Variants in EML6 observed in about 807,000 individuals in gnomAD.
EML6 encodes the protein EMAP like 6.
A neutral mutation model predicts 240.1 loss-of-function variants in EML6; 154 were observed. The observed-to-expected ratio is 0.64, with a 90% CI of 0.56 to 0.73. EML6 has a LOEUF of 0.73. EML6 is among the 30% of genes least tolerant of loss of function. EML6 has a pLI of 0.00. For missense variants in EML6, 2,964 were observed against 2,474.6 expected (o/e 1.20, Z -4.20); for synonymous variants, 1,148 against 899.0 (o/e 1.28, Z -4.95).
intron 8 of EML6, among the ~76,000 whole-genome samples, chr2:54,846,526 C>G (rs573496738): frequency 8.7e-5 from 13 of 150,108 alleles, no homozygotes; most frequent in Non-Finnish European, 1.9e-4. Flanking sequence ...CTCTGTTTCC[C>G]AGGCTGGAGT....
intron 32 of EML6, 22 bp downstream of exon 32, chr2:54,954,178 T>C (rs1164305795): frequency 4.5e-6 from 7 of 1,546,578 alleles, no homozygotes; most frequent in Non-Finnish European, 6.1e-6. Context: ...CTGGGCTTTC[T>C]GTCCCTCCAG....
chr2:54,865,114 T>A (rs1266870810), intron 13 of EML6, among the ~76,000 whole-genome samples: 2 of 152,122 alleles, frequency 1.3e-5, no homozygotes, highest in African/African-American at 4.8e-5. Context: ...CAGGAGACAA[T>A]AAAATTTAAA....
chr2:54,804,640 C>G (rs1670371911), intron 2 of EML6, among the ~76,000 whole-genome samples: 1 of 152,202 alleles, frequency 6.6e-6, no homozygotes. Context: ...TCCAGGATCA[C>G]TTTTGTTTTA....
chr2:54,845,092 C>T lies in EML6; in HGVS notation c.1049+844C>T, dbSNP rs114837592. On this transcript the variant is annotated intron_variant, in intron 8 of 41. Transcript: ENST00000356458. ...ACAATGCAAACTGGACTAAAGCTCA[C>T]TAGTTCCCACCTCCCTTATTTTGTG... Among the ~76,000 whole-genome samples, 128 of 152,320 alleles carry T rather than the reference C, an allele frequency of 8.4e-4. 1 individual carries two copies. Among genetic ancestry groups the T allele is most frequent in the South Asian group, 2.7e-3 (13 of 4,830 alleles).
At chr2:54,931,452 G>T (rs553303364) in intron 28 of EML6, among the ~76,000 whole-genome samples, 1 of 152,288 alleles carries the variant, frequency 6.6e-6, no homozygotes, top group South Asian at 2.1e-4. Flanking sequence ...GAGGGACAGA[G>T]AAGGAAAAAT....
intron 28 of EML6, among the ~76,000 whole-genome samples, chr2:54,930,999 C>G (rs931985088): frequency 6.8e-6 from 1 of 146,994 alleles, no homozygotes; most frequent in African/African-American, 2.5e-5. Flanking sequence ...GCTCTGTCGC[C>G]CAGGCTGGAG....
intron 17 of EML6, among the ~76,000 whole-genome samples, chr2:54,887,906 C>T (rs1672240392): frequency 6.6e-6 from 1 of 152,202 alleles, no homozygotes; most frequent in African/African-American, 2.4e-5. Context: ...CATGAACCTA[C>T]CTTGACATAT....
chr2:54,846,755 A>T (rs1161714488), intron 8 of EML6, among the ~76,000 whole-genome samples: 1 of 151,740 alleles, frequency 6.6e-6, no homozygotes, highest in Non-Finnish European at 1.5e-5. Context: ...AAGTGCTGGG[A>T]TTATAGGCAT....
At chr2:54,967,135 A>G in intron 39 of EML6, 32 bp downstream of exon 39, 1 of 1,404,984 alleles carries the variant, frequency 7.1e-7, no homozygotes, top group Non-Finnish European at 9.9e-7. Context: ...CTTGAGGAAA[A>G]GGTCACAAGG....
Position 54,844,044 on chromosome 2 carries a change from C to T in EML6, c.848-3C>T, listed in dbSNP as rs1488248787. Reference sequence around the variant, plus strand: ...TTGCTTTTGTTTTACTTATTTTTGTCAGGCCTCTCTATCCGGAGCGTGTGC... The same window carrying T: ...TTGCTTTTGTTTTACTTATTTTTGTTAGGCCTCTCTATCCGGAGCGTGTGC... On this transcript the variant is annotated splice_region_variant and splice_polypyrimidine_tract_variant and intron_variant, in intron 7 of 41. Transcript: ENST00000356458. 2.6e-6 allele frequency: 4 copies of T among 1,541,730 alleles called. No individual in the cohort carries two copies. The highest frequency in any genetic ancestry group is 3.5e-6 in the Non-Finnish European group (4 of 1,143,046).
At chr2:54,809,939 G>A (rs1021857032) in intron 2 of EML6, among the ~76,000 whole-genome samples, 5 of 50,980 alleles carry the variant, frequency 9.8e-5, no homozygotes, top group African/African-American at 2.3e-4. Context: ...TGGAGTTTCT[G>A]GGAAGCCTGA....
chr2:54,953,336 G>A (rs1558721358), intron 31 of EML6, among the ~76,000 whole-genome samples: 1 of 152,142 alleles, frequency 6.6e-6, no homozygotes, highest in East Asian at 1.9e-4. Context: ...TTCCATCCGT[G>A]AGTAGTTTGA....
intron 2 of EML6, among the ~76,000 whole-genome samples, chr2:54,737,271 G>A (rs1363455050): frequency 6.6e-6 from 1 of 152,052 alleles, no homozygotes; most frequent in Non-Finnish European, 1.5e-5. Context: ...CAGCAGCAGC[G>A]ACAACAATAA....
rs565839955 is a variant in EML6, at chr2:54,939,346, G to A, written c.4005-9536G>A. On this transcript the variant is annotated intron_variant, in intron 28 of 41. Coordinates refer to ENST00000356458, the MANE Select transcript of EML6 (RefSeq NM_001039753.4). ...CAGACTGCATCTCAGTGGTGTTGAG[G>A]GTAGTTGTCTGCTTTGTCTGGCAGG... 7.4e-4 allele frequency among the ~76,000 whole-genome samples: 113 copies of A among 152,314 alleles called. 2 individuals carry two copies. The highest frequency in any genetic ancestry group is 2.7e-3 in the African/African-American group (111 of 41,580).
At chr2:54,949,261 C>T (rs1228473421) in intron 29 of EML6, among the ~76,000 whole-genome samples, 2 of 152,166 alleles carry the variant, frequency 1.3e-5, no homozygotes, top group African/African-American at 4.8e-5. Context: ...CCCACTCAGA[C>T]CCTCAGCATC....
At chr2:54,891,377 T>A (rs1335499922) in intron 18 of EML6, among the ~76,000 whole-genome samples, 1 of 152,242 alleles carries the variant, frequency 6.6e-6, no homozygotes, top group Non-Finnish European at 1.5e-5. Flanking sequence ...TGGAAAATGT[T>A]CTGCTGTGAA....
At chr2:54,828,718 G>A (rs1668716552) in intron 6 of EML6, among the ~76,000 whole-genome samples, 1 of 152,202 alleles carries the variant, frequency 6.6e-6, no homozygotes, top group African/African-American at 2.4e-5. Flanking sequence ...TGGATCTTAT[G>A]TCAACATTAT....
intron 8 of EML6, among the ~76,000 whole-genome samples, chr2:54,844,747 CA>C (rs1572990457): frequency 1.3e-5 from 2 of 152,166 alleles, no homozygotes. Context: ...ATGAAAGAAT[CA>C]TGGGGCCTGA....
chr2:54,859,954 A>G (rs150333269), intron 12 of EML6, among the ~76,000 whole-genome samples: 1 of 152,300 alleles, frequency 6.6e-6, no homozygotes, highest in Admixed American at 6.5e-5. Flanking sequence ...CAATGTCAGA[A>G]TAGGAAGCTC....
Sources: gnomAD v4.1 joint callset for allele counts (sites outside exome capture counted in the v4.1 genomes callset) on GRCh38, gnomAD v4.1.1 for gene constraint, MANE v1.5 for transcripts, NCBI Gene and HGNC (gene_info 2026-07-23, HGNC 2026-07-21) for gene names.